Variants in NSMAF observed in about 807,000 individuals in gnomAD.
NSMAF encodes neutral sphingomyelinase activation associated factor, also known as protein FAN.
A neutral mutation model predicts 134.9 loss-of-function variants in NSMAF; 90 were observed. The observed-to-expected ratio is 0.67, with a 90% CI of 0.56 to 0.79. NSMAF has a LOEUF of 0.79. NSMAF is among the 30% of genes least tolerant of loss of function. NSMAF has a pLI of 0.00. For synonymous variants in NSMAF, 358 were observed against 389.6 expected (o/e 0.92, Z 0.96); for missense variants, 1,010 against 1,119.0 (o/e 0.90, Z 1.39).
At position 58,602,092 on chromosome 8, in the gene NSMAF, C is replaced by G. The variant is rs528863651; in HGVS notation, c.1091G>C (p.Gly364Ala). ...CTCCAGCCGTTCCTTATTTAGGGCC[C>G]CTACTGGCTTACTGAGATCCCGGAA... ...GTFRDLSKPV[G>A]ALNKERLERL... The change falls in exon 14 of 31, where the codon GGG (glycine) becomes GCG (alanine). Residue 364 changes from glycine (G) to alanine (A), a missense_variant. By Grantham distance (60) the Gly-to-Ala change is moderately conservative (BLOSUM62 0). Transcript: ENST00000038176. The G allele has an allele frequency of 6.8e-6, 11 of 1,613,448 alleles. No individual in the cohort carries two copies. In the Admixed American group the frequency reaches 1.8e-4, roughly 27 times the overall value.
chr8:58,586,610 TA>T lies in NSMAF; in HGVS notation c.2296-3del. On this transcript the variant is annotated splice_region_variant and splice_polypyrimidine_tract_variant and intron_variant, in intron 27 of 30. Coordinates refer to ENST00000038176, the MANE Select transcript of NSMAF (RefSeq NM_003580.4). Reference sequence around the variant, plus strand: ...AGCATTTAAACTGATTGTATCTACCTAAGGAAGAAAACACATTGATACATAT... The same window carrying T: ...AGCATTTAAACTGATTGTATCTACCTAGGAAGAAAACACATTGATACATAT... The T allele has an allele frequency of 6.2e-7, 1 of 1,608,474 alleles. No individual in the cohort carries two copies. Among genetic ancestry groups the T allele is most frequent in the South Asian group, 1.1e-5 (1 of 90,174 alleles).
At chr8:58,632,581 G>T (rs190353140) in intron 5 of NSMAF, among the ~76,000 whole-genome samples, 1 of 152,080 alleles carries the variant, frequency 6.6e-6, no homozygotes, top group Non-Finnish European at 1.5e-5. Context: ...ACCTTGCTTT[G>T]TTCCCAATCT....
chr8:58,639,286 TAA>T (rs747282052), intron 2 of NSMAF, among the ~76,000 whole-genome samples: 4 of 107,682 alleles, frequency 3.7e-5, no homozygotes, highest in Admixed American at 1.9e-4. Context: ...TCCGTCTCAA[TAA>T]AAAAAAAAAA....
At chr8:58,598,559 G>A (rs1014532160) in intron 19 of NSMAF, among the ~76,000 whole-genome samples, 1 of 151,318 alleles carries the variant, frequency 6.6e-6, no homozygotes, top group Admixed American at 6.6e-5. Flanking sequence ...GTCTTCCATA[G>A]GAATTGAGGC....
At chr8:58,606,212 G>A (rs1413528967) in intron 11 of NSMAF, among the ~76,000 whole-genome samples, 177 bp from the exon 12 acceptor site, 15 of 151,808 alleles carry the variant, frequency 9.9e-5, no homozygotes, top group African/African-American at 1.5e-4. Context: ...ATATACGTTT[G>A]CGTATATATA....
Position 58,584,176 on chromosome 8 carries a change from T to C in NSMAF, c.2684A>G (p.Asn895Ser). ...TGTGATGATACTGCTACACTGTTCA[T>C]TCATCCATATACATGTCACAGCACC... ...HTGAVTCIWM[N>S]EQCSSIITGG... The change falls in exon 31 of 31, where the codon AAT becomes AGT. Residue 895 changes from asparagine (N) to serine (S), a missense_variant. Asn to Ser is a conservative substitution (Grantham distance 46). Transcript: ENST00000038176. The C allele has an allele frequency of 6.2e-7, 1 of 1,613,760 alleles. No homozygotes were observed. The highest frequency in any genetic ancestry group is 1.1e-5 in the South Asian group (1 of 91,058).
At position 58,640,671 on chromosome 8, in the gene NSMAF, G is replaced by A. The variant is rs141143369; in HGVS notation, c.149+2313C>T. Among the ~76,000 whole-genome samples the A allele has an allele frequency of 5.6e-3, 850 of 151,858 alleles. 7 individuals carry two copies. The highest frequency in any genetic ancestry group is 0.019 in the African/African-American group (797 of 41,430). Reference sequence around the variant, plus strand: ...AAAGTTGATTAAAATAATTTTCTGTGGCTAACTCCAACTTTATAATTAAAT... The same window carrying A: ...AAAGTTGATTAAAATAATTTTCTGTAGCTAACTCCAACTTTATAATTAAAT... On this transcript the variant is annotated intron_variant, in intron 2 of 30. Transcript: ENST00000038176.
chr8:58,642,400 T>G (rs370281319), intron 2 of NSMAF, among the ~76,000 whole-genome samples: 3 of 152,180 alleles, frequency 2.0e-5, no homozygotes, highest in East Asian at 3.8e-4. Context: ...AAAGGTAAAG[T>G]CAAAGAAACA....
intron 9 of NSMAF, among the ~76,000 whole-genome samples, chr8:58,611,217 A>T (rs935640244): frequency 2.0e-5 from 3 of 152,162 alleles, no homozygotes; most frequent in African/African-American, 7.2e-5. Context: ...TCAGAGGAAG[A>T]CTTTAAGATA....
At chr8:58,640,396 T>C (rs1807306554) in intron 2 of NSMAF, among the ~76,000 whole-genome samples, 1 of 152,230 alleles carries the variant, frequency 6.6e-6, no homozygotes, top group Non-Finnish European at 1.5e-5. Context: ...TCTTTAATAT[T>C]ACATGTATGT....
intron 1 of NSMAF, among the ~76,000 whole-genome samples, chr8:58,644,097 T>C (rs187465885): frequency 1.5e-4 from 23 of 152,302 alleles, no homozygotes; most frequent in East Asian, 1.3e-3. Flanking sequence ...GAAACATCAA[T>C]GAGTTACAGG....
intron 9 of NSMAF, among the ~76,000 whole-genome samples, chr8:58,617,816 T>C (rs1024055571): frequency 2.0e-5 from 3 of 152,202 alleles, no homozygotes; most frequent in Non-Finnish European, 4.4e-5. Context: ...ACTGGGTATA[T>C]ACCCAAAGGA....
rs373058489 is a variant in NSMAF, at chr8:58,602,027, T to C, written c.1125+31A>G. 15 of 1,566,170 alleles carry C rather than the reference T, an allele frequency of 9.6e-6. No homozygotes were observed. In the East Asian group the frequency reaches 3.2e-4, roughly 33 times the overall value. On this transcript the variant is annotated intron_variant, in intron 14 of 30. Coordinates refer to ENST00000038176, the MANE Select transcript of NSMAF (RefSeq NM_003580.4). Reference sequence around the variant, plus strand: ...CACAGGCCATGGCTTCTCGTGTTGCTTAGAAACCAAGAATCTCTAAGTCCA... The same window carrying C: ...CACAGGCCATGGCTTCTCGTGTTGCCTAGAAACCAAGAATCTCTAAGTCCA...
At chr8:58,624,035 A>ATTTTTT (rs11431046) in intron 6 of NSMAF, among the ~76,000 whole-genome samples, 11 of 99,088 alleles carry the variant, frequency 1.1e-4, no homozygotes, top group African/African-American at 2.4e-4. Context: ...TAGAGTTAGG[A>ATTTTTT]TTTTTTTTTT....
At chr8:58,659,059 C>A (rs891438404) in intron 1 of NSMAF, 30 of 705,610 alleles carry the variant, frequency 4.3e-5, no homozygotes, top group Non-Finnish European at 6.2e-5. Flanking sequence ...AGGAAAAAGG[C>A]GCGGCAATGC....
intron 9 of NSMAF, among the ~76,000 whole-genome samples, chr8:58,621,088 C>T (rs1806778565): frequency 6.6e-6 from 1 of 151,868 alleles, no homozygotes; most frequent in Non-Finnish European, 1.5e-5. Flanking sequence ...CGATCCTCAC[C>T]CTCCTCCCTC....
In NSMAF at chr8:58,599,794, C is replaced by T; in HGVS notation, c.1409G>A (p.Gly470Glu). Reference sequence around the variant, plus strand: ...CTCCACGTCGTCAACCATCTGTCCTCCTTGTCTCTTTCCCAAATCCAACTT... The same window carrying T: ...CTCCACGTCGTCAACCATCTGTCCTTCTTGTCTCTTTCCCAAATCCAACTT... ...SLKLDLGKRQ[G>E]GQMVDDVELP... Residue 470 changes from glycine to glutamate, a missense_variant, in exon 18 of 31, where the codon GGA becomes GAA. By Grantham distance (98) the Gly-to-Glu change is moderately conservative. Coordinates refer to ENST00000038176, the MANE Select transcript of NSMAF (RefSeq NM_003580.4). 1 of 1,614,118 alleles carries T rather than the reference C, an allele frequency of 6.2e-7. No homozygotes were observed.
chr8:58,622,067 T>A (rs576332313), intron 9 of NSMAF, among the ~76,000 whole-genome samples: 1 of 152,266 alleles, frequency 6.6e-6, no homozygotes, highest in African/African-American at 2.4e-5. Flanking sequence ...GAATGGTATT[T>A]CCTAGGTTTT....
At chr8:58,642,881 T>C in intron 2 of NSMAF, 103 bp downstream of exon 2, 1 of 820,744 alleles carries the variant, frequency 1.2e-6, no homozygotes, top group East Asian at 2.5e-5. Flanking sequence ...TTTTAAAGCC[T>C]AATTTTTTCT....
Sources: allele counts gnomAD v4.1 joint callset (sites outside exome capture counted in the v4.1 genomes callset), GRCh38; gene constraint gnomAD v4.1.1; transcripts MANE v1.5; gene names NCBI Gene and HGNC (gene_info 2026-07-23, HGNC 2026-07-21).